Variants in CCSER1 observed in about 807,000 individuals in gnomAD.
The protein encoded by CCSER1 is coiled-coil serine rich protein 1, also known as serine-rich coiled-coil domain-containing protein 1.
A neutral mutation model predicts 82.0 loss-of-function variants in CCSER1; 41 were observed. That is an observed-to-expected ratio of 0.50 (90% CI 0.39 to 0.65). The LOEUF is 0.65. Among genes scored for constraint, CCSER1 ranks in the 30% least tolerant of loss-of-function variants. The pLI is 0.00. For synonymous variants in CCSER1, 414 were observed against 383.9 expected (o/e 1.08, Z -0.92); for missense variants, 1,119 against 1,064.2 (o/e 1.05, Z -0.72).
chr4:90,425,188 T>TA (rs1344476607), intron 4 of CCSER1, among the ~76,000 whole-genome samples: 1 of 152,168 alleles, frequency 6.6e-6, no homozygotes, highest in Non-Finnish European at 1.5e-5. Flanking sequence ...ACCCACTCTA[T>TA]AAAAACTTTC....
chr4:90,551,714 A>C (rs200905804), intron 5 of CCSER1, among the ~76,000 whole-genome samples: 3,198 of 90,330 alleles, frequency 0.035, 48 homozygotes, highest in Non-Finnish European at 0.049. Flanking sequence ...CTCTATATAT[A>C]TATATATATA....
intron 8 of CCSER1, among the ~76,000 whole-genome samples, chr4:90,832,589 A>T (rs1441925933): frequency 1.3e-5 from 2 of 152,130 alleles, no homozygotes; most frequent in Non-Finnish European, 2.9e-5. Flanking sequence ...TTTTTTGGAA[A>T]CATTTTTTAT....
intron 5 of CCSER1, among the ~76,000 whole-genome samples, chr4:90,610,549 G>A (rs774824714): frequency 6.6e-6 from 1 of 151,676 alleles, no homozygotes; most frequent in Non-Finnish European, 1.5e-5. Context: ...ACATCTGACA[G>A]TGAGGCCATT....
chr4:91,338,992 CT>C (rs1280393979), intron 10 of CCSER1, among the ~76,000 whole-genome samples: 2 of 152,188 alleles, frequency 1.3e-5, no homozygotes, highest in African/African-American at 4.8e-5. Flanking sequence ...AATTTCTCTT[CT>C]GCCTTCCCTA....
At chr4:90,155,117 T>C (rs1727806802) in intron 1 of CCSER1, among the ~76,000 whole-genome samples, 2 of 152,230 alleles carry the variant, frequency 1.3e-5, no homozygotes, top group African/African-American at 4.8e-5. Context: ...CAAAGGCCTT[T>C]TCCGCATCTA....
At chr4:91,079,892 T>C (rs536353102) in intron 9 of CCSER1, among the ~76,000 whole-genome samples, 62 of 152,230 alleles carry the variant, frequency 4.1e-4, no homozygotes, top group African/African-American at 1.5e-3. Context: ...AGGCACCCAA[T>C]ACAGGAGCAC....
intron 1 of CCSER1, among the ~76,000 whole-genome samples, chr4:90,215,781 TCAGATCTAATCTTTGGAACCC>T (rs1184095467): frequency 6.6e-6 from 1 of 152,132 alleles, no homozygotes; most frequent in East Asian, 1.9e-4. Flanking sequence ...AAAACCTGCC[TCAGATCTAATCTTTGGAACCC>T]CAGATCTAAT....
Position 91,074,685 on chromosome 4 carries a change from C to T in CCSER1, c.2173-11265C>T, listed in dbSNP as rs114991897. ...TAAGTTCCCTGGCTGCAAGCCTCCT[C>T]ATCTATAAAATGAAGAGGTTGAGCT... On this transcript the variant is annotated intron_variant, in intron 9 of 10. Transcript: ENST00000509176. Among the ~76,000 whole-genome samples the T allele has an allele frequency of 9.6e-3, 1,462 of 152,332 alleles. 24 individuals carry two copies. The highest frequency in any genetic ancestry group is 0.033 in the African/African-American group (1,384 of 41,576).
At chr4:90,616,683 TCACACACA>T (rs56988615) in intron 5 of CCSER1, among the ~76,000 whole-genome samples, 4,674 of 120,246 alleles carry the variant, frequency 0.039, 106 homozygotes, top group Admixed American at 0.077. Context: ...TGGCTCTGTC[TCACACACA>T]CACACACACA....
At chr4:91,082,003 G>C (rs1468537126) in intron 9 of CCSER1, among the ~76,000 whole-genome samples, 1 of 152,140 alleles carries the variant, frequency 6.6e-6, no homozygotes, top group African/African-American at 2.4e-5. Flanking sequence ...GTAATTTATA[G>C]ATTCAATGCC....
intron 5 of CCSER1, 121 bp downstream of exon 5, chr4:90,468,475 G>T (rs1763922919): frequency 1.2e-6 from 1 of 869,008 alleles, no homozygotes; most frequent in Admixed American, 3.2e-5. Context: ...AATTTTATGG[G>T]TTAAAAAATC....
At chr4:90,779,938 A>T (rs2149604747) in intron 7 of CCSER1, among the ~76,000 whole-genome samples, 1 of 152,360 alleles carries the variant, frequency 6.6e-6, no homozygotes, top group African/African-American at 2.4e-5. Flanking sequence ...AAAATAAAAT[A>T]TATGATATGT....
At chr4:90,996,055 A>G (rs768385323) in intron 9 of CCSER1, among the ~76,000 whole-genome samples, 7 of 152,100 alleles carry the variant, frequency 4.6e-5, no homozygotes, top group Non-Finnish European at 7.4e-5. Flanking sequence ...ATATTTTATT[A>G]TAGTCCAACA....
At chr4:90,876,974 T>A (rs148249721) in intron 8 of CCSER1, among the ~76,000 whole-genome samples, 5 of 152,276 alleles carry the variant, frequency 3.3e-5, no homozygotes, top group African/African-American at 1.2e-4. Context: ...TCTTCATTCT[T>A]CTGTGTAGGT....
At chr4:90,302,307 G>A (rs778388090) in intron 1 of CCSER1, among the ~76,000 whole-genome samples, 12 of 152,178 alleles carry the variant, frequency 7.9e-5, no homozygotes, top group Non-Finnish European at 1.5e-4. Flanking sequence ...AATACTTGAG[G>A]ATATGTAAAG....
intron 1 of CCSER1, among the ~76,000 whole-genome samples, chr4:90,287,542 G>A (rs1055892286): frequency 6.6e-5 from 10 of 151,594 alleles, no homozygotes; most frequent in Non-Finnish European, 1.3e-4. Context: ...TCTCATCAGA[G>A]TTTTCACAAA....
intron 10 of CCSER1, among the ~76,000 whole-genome samples, chr4:91,143,295 C>T (rs980221777): frequency 6.6e-6 from 1 of 151,074 alleles, no homozygotes; most frequent in Non-Finnish European, 1.5e-5. Context: ...ACATTATTGG[C>T]GTATAGAAAT....
In CCSER1 at chr4:91,303,801, C is replaced by G. The variant is rs575711130; in HGVS notation, c.2217+217807C>G. Among the ~76,000 whole-genome samples the G allele has an allele frequency of 6.6e-5, 10 of 151,856 alleles. No homozygotes were observed. In the South Asian group the frequency reaches 8.3e-4, roughly 13 times the overall value. ...TGGACTGAGATCCTGTCTCCAAAAACAAACAAACAACAACAACAAAACAAC... is the reference window on the plus strand; with the variant it reads ...TGGACTGAGATCCTGTCTCCAAAAAGAAACAAACAACAACAACAAAACAAC... On this transcript the variant is annotated intron_variant, in intron 10 of 10. Transcript: ENST00000509176.
chr4:90,542,545 T>C (rs1484430662), intron 5 of CCSER1, among the ~76,000 whole-genome samples: 2 of 152,088 alleles, frequency 1.3e-5, no homozygotes, highest in Non-Finnish European at 2.9e-5. Context: ...TACTCAGTTA[T>C]GACAAACTGT....
Sources: allele counts gnomAD v4.1 joint callset (sites outside exome capture counted in the v4.1 genomes callset), GRCh38; gene constraint gnomAD v4.1.1; transcripts MANE v1.5; gene names NCBI Gene and HGNC (gene_info 2026-07-23, HGNC 2026-07-21).